The following DISP1 variants were observed in gnomAD, a reference collection of about 807,000 sequenced individuals.
DISP1 encodes dispatched RND transporter family member 1.
In DISP1, 30 loss-of-function variants were observed where a neutral mutation model predicts 37.3. The observed-to-expected ratio is 0.80, with a 90% confidence interval of 0.60 to 1.09. The LOEUF (loss-of-function observed/expected upper bound fraction) is 1.09. DISP1 is among the 50% of genes least tolerant of loss of function. The pLI is 0.00. For synonymous variants in DISP1, 634 were observed against 690.2 expected, an observed-to-expected ratio of 0.92 and a Z score of 1.28; for missense variants, 1,598 against 1,879.5, an observed-to-expected ratio of 0.85 and a Z score of 2.77.
At chr1:222,945,434 C>T (rs960638530) in intron 3 of DISP1, among the ~76,000 whole-genome samples, 1 of 152,090 alleles carries the variant, frequency 6.6e-6, no homozygotes, top group African/African-American at 2.4e-5. Context: ...TATATGGTTG[C>T]AAAGTATGAA....
chr1:222,874,831 C>T (rs1057338251), intron 1 of DISP1, among the ~76,000 whole-genome samples: 4 of 152,116 alleles, frequency 2.6e-5, no homozygotes, highest in African/African-American at 7.2e-5. Flanking sequence ...GGAGGAGAGG[C>T]GCTCTGATTT....
intron 1 of DISP1, among the ~76,000 whole-genome samples, chr1:222,846,321 G>A (rs916450821): frequency 5.3e-5 from 8 of 152,108 alleles, no homozygotes; most frequent in Admixed American, 2.6e-4. Flanking sequence ...GCAAAACCCC[G>A]TCTCTACTAA....
intron 3 of DISP1, among the ~76,000 whole-genome samples, chr1:222,979,032 A>T (rs1432189404): frequency 1.3e-5 from 2 of 152,110 alleles, no homozygotes; most frequent in African/African-American, 4.8e-5. Flanking sequence ...ATGAACTTTA[A>T]AGTAGTTTTT....
chr1:222,983,579 T>A (rs1229476732), intron 4 of DISP1, among the ~76,000 whole-genome samples: 1 of 152,074 alleles, frequency 6.6e-6, no homozygotes, highest in Non-Finnish European at 1.5e-5. Context: ...ATTGTGCCAC[T>A]GTACTCCAGC....
intron 8 of DISP1, among the ~76,000 whole-genome samples, chr1:222,996,609 G>T (rs1425833377): frequency 6.6e-6 from 1 of 152,140 alleles, no homozygotes; most frequent in African/African-American, 2.4e-5. Context: ...TTTACCATGT[G>T]CCAGGAAGTG....
intron 1 of DISP1, among the ~76,000 whole-genome samples, chr1:222,869,519 G>A (rs989481787): frequency 2.0e-5 from 3 of 151,980 alleles, no homozygotes; most frequent in Admixed American, 6.6e-5. Context: ...TCTTTAGTTT[G>A]TAACCAAGAC....
At chr1:222,950,649 G>A (rs527964839) in intron 3 of DISP1, among the ~76,000 whole-genome samples, 24 of 152,140 alleles carry the variant, frequency 1.6e-4, no homozygotes, top group African/African-American at 5.5e-4. Context: ...GATTGTGGGA[G>A]CGGAGGGTCA....
chr1:222,922,530 G>A (rs527589754), intron 1 of DISP1, among the ~76,000 whole-genome samples: 1 of 152,142 alleles, frequency 6.6e-6, no homozygotes, highest in Non-Finnish European at 1.5e-5. Context: ...CACAGATCTG[G>A]TGTTCAATAA....
At chr1:222,957,152 A>G (rs1675663915) in intron 3 of DISP1, among the ~76,000 whole-genome samples, 1 of 151,006 alleles carries the variant, frequency 6.6e-6, no homozygotes, top group Admixed American at 6.6e-5. Flanking sequence ...TTGTAAAAAA[A>G]AAAAAAAAAA....
At chr1:222,818,272 A>C (rs1661742888) in intron 1 of DISP1, among the ~76,000 whole-genome samples, 1 of 152,324 alleles carries the variant, frequency 6.6e-6, no homozygotes, top group South Asian at 2.1e-4. Context: ...CCTGGTGATA[A>C]TACAGCAGAA....
chr1:222,891,282 C>A (rs774788135), intron 1 of DISP1, among the ~76,000 whole-genome samples: 1 of 152,116 alleles, frequency 6.6e-6, no homozygotes, highest in Non-Finnish European at 1.5e-5. Context: ...GACCTAATGA[C>A]CAGCTGAACA....
At chr1:222,890,781 C>G (rs984184662) in intron 1 of DISP1, among the ~76,000 whole-genome samples, 3 of 152,108 alleles carry the variant, frequency 2.0e-5, no homozygotes, top group Non-Finnish European at 4.4e-5. Context: ...TTCCATGCCT[C>G]TCTCTTATCT....
chr1:222,999,830 G>A (rs1310244839), intron 8 of DISP1, among the ~76,000 whole-genome samples: 1 of 152,090 alleles, frequency 6.6e-6, no homozygotes, highest in Admixed American at 6.5e-5. Flanking sequence ...TCTTTTCTCT[G>A]TCCTTATTTC....
intron 3 of DISP1, among the ~76,000 whole-genome samples, chr1:222,955,108 A>G (rs746422309): frequency 3.0e-4 from 41 of 135,610 alleles, no homozygotes; most frequent in Non-Finnish European, 5.7e-4. Context: ...TTTTTTTTGG[A>G]AACAGTCTCG....
At chr1:222,898,758 T>A (rs1436481372) in intron 1 of DISP1, among the ~76,000 whole-genome samples, 3 of 152,222 alleles carry the variant, frequency 2.0e-5, no homozygotes, top group Non-Finnish European at 4.4e-5. Context: ...GGGAAGATAC[T>A]GTTTTCAGTG....
chr1:222,873,198 G>C (rs1284222562), intron 1 of DISP1, among the ~76,000 whole-genome samples: 2 of 152,100 alleles, frequency 1.3e-5, no homozygotes, highest in Non-Finnish European at 2.9e-5. Context: ...TTCCAATTAT[G>C]TGGTCAATTT....
At chr1:222,996,044 T>C (rs1339120325) in intron 8 of DISP1, among the ~76,000 whole-genome samples, 1 of 152,168 alleles carries the variant, frequency 6.6e-6, no homozygotes, top group Non-Finnish European at 1.5e-5. Flanking sequence ...TAAGAGGCTG[T>C]TTGTACATTT....
At chr1:222,987,130 C>A (rs72744118) in intron 4 of DISP1, among the ~76,000 whole-genome samples, 5,847 of 151,974 alleles carry the variant, frequency 0.038, 145 homozygotes, top group Middle Eastern at 0.11. Context: ...CTTTACTTCT[C>A]CAATTTTCCT....
chr1:222,977,738 A>G (rs1339706701), intron 3 of DISP1, among the ~76,000 whole-genome samples: 2 of 149,180 alleles, frequency 1.3e-5, no homozygotes, highest in African/African-American at 5.0e-5. Context: ...TCCTGTGTCC[A>G]TGTGTTCTCA....
Sources: gnomAD v4.1 joint callset for allele counts (sites outside exome capture counted in the v4.1 genomes callset) on GRCh38, gnomAD v4.1.1 for gene constraint, MANE v1.5 for transcripts, NCBI Gene and HGNC (gene_info 2026-07-23, HGNC 2026-07-21) for gene names.